The following FNIP2 variants were observed in gnomAD, a reference collection of about 807,000 sequenced individuals.
The protein encoded by FNIP2 is folliculin interacting protein 2, also known as folliculin-interacting protein 2.
A neutral mutation model predicts 108.7 loss-of-function variants in FNIP2; 32 were observed. The ratio of observed to expected loss-of-function variants is 0.29; its 90% confidence interval spans 0.22 to 0.40. FNIP2 has a LOEUF of 0.40. Among genes scored for constraint, FNIP2 ranks in the 10% least tolerant of loss-of-function variants. The pLI is 1.00. For synonymous variants in FNIP2, 480 were observed against 496.7 expected, an observed-to-expected ratio of 0.97 and a Z score of 0.45; for missense variants, 1,202 against 1,381.6, an observed-to-expected ratio of 0.87 and a Z score of 2.06.
intron 6 of FNIP2, 146 bp downstream of exon 6, chr4:158,833,774 C>T (rs966709250): frequency 1.3e-5 from 20 of 1,504,480 alleles, no homozygotes; most frequent in Middle Eastern, 3.4e-4. Flanking sequence ...ACTTTGTTTG[C>T]CCTCTTCTAT....
intron 14 of FNIP2, among the ~76,000 whole-genome samples, chr4:158,881,923 T>C (rs1290641785): frequency 2.0e-5 from 3 of 150,128 alleles, no homozygotes; most frequent in Non-Finnish European, 3.0e-5. Flanking sequence ...TCGTCTGGGA[T>C]GTGAGGAGCC....
intron 8 of FNIP2, 137 bp downstream of exon 8, chr4:158,851,587 G>A: frequency 9.0e-7 from 1 of 1,114,234 alleles, no homozygotes; most frequent in African/African-American, 1.6e-5. Context: ...GAGCCTGAAA[G>A]TTTACAAATT....
intron 16 of FNIP2, among the ~76,000 whole-genome samples, chr4:158,899,719 C>T (rs1386825350): frequency 1.3e-5 from 2 of 152,050 alleles, no homozygotes; most frequent in Non-Finnish European, 2.9e-5. Flanking sequence ...TTTTTTGTTG[C>T]ATCTATTTGA....
chr4:158,769,394 A>G (rs1775616513), intron 1 of FNIP2, 75 bp downstream of exon 1: 1 of 1,040,290 alleles, frequency 9.6e-7, no homozygotes, highest in African/African-American at 1.7e-5. Context: ...GGGGACGGGT[A>G]GGGGAAAGGG....
intron 1 of FNIP2, among the ~76,000 whole-genome samples, chr4:158,786,698 G>A (rs2126440336): frequency 6.6e-6 from 1 of 152,294 alleles, no homozygotes; most frequent in Non-Finnish European, 1.5e-5. Flanking sequence ...GGGAAAAGGT[G>A]CCTGCAGTCA....
chr4:158,852,491 C>G (rs1270163694), intron 8 of FNIP2, among the ~76,000 whole-genome samples: 1 of 152,212 alleles, frequency 6.6e-6, no homozygotes, highest in African/African-American at 2.4e-5. Context: ...CAAGTCCTAG[C>G]TCTGTCACTC....
chr4:158,778,184 G>C (rs1775920559), intron 1 of FNIP2, among the ~76,000 whole-genome samples: 1 of 152,176 alleles, frequency 6.6e-6, no homozygotes, highest in African/African-American at 2.4e-5. Flanking sequence ...ATCTGGGCTG[G>C]GGCTTTATGT....
chr4:158,863,521 T>A (rs1780408993), intron 12 of FNIP2, among the ~76,000 whole-genome samples: 1 of 152,174 alleles, frequency 6.6e-6, no homozygotes. Context: ...GGATGCCACT[T>A]TCACGGGTTT....
At chr4:158,900,990 G>A (rs766373889) in intron 16 of FNIP2, among the ~76,000 whole-genome samples, 3 of 151,924 alleles carry the variant, frequency 2.0e-5, no homozygotes, top group Non-Finnish European at 2.9e-5. Context: ...TCCTTTCCAT[G>A]TAGTGCTTCC....
At chr4:158,827,806 C>T (rs1778240203) in intron 2 of FNIP2, among the ~76,000 whole-genome samples, 1 of 152,146 alleles carries the variant, frequency 6.6e-6, no homozygotes, top group South Asian at 2.1e-4. Flanking sequence ...TCCTTACGTT[C>T]TTTTCCCATT....
At chr4:158,901,655 A>G (rs2126803504) in intron 16 of FNIP2, among the ~76,000 whole-genome samples, 1 of 151,948 alleles carries the variant, frequency 6.6e-6, no homozygotes, top group South Asian at 2.1e-4. Flanking sequence ...CTTTTCACAT[A>G]GTCTCATATT....
At chr4:158,847,271 G>A (rs1430546071) in intron 7 of FNIP2, among the ~76,000 whole-genome samples, 1 of 152,190 alleles carries the variant, frequency 6.6e-6, no homozygotes, top group Non-Finnish European at 1.5e-5. Flanking sequence ...ACCAGCCGGG[G>A]CAACTAAGGG....
intron 12 of FNIP2, among the ~76,000 whole-genome samples, chr4:158,863,392 A>T (rs1370568305): frequency 6.6e-6 from 1 of 152,260 alleles, no homozygotes; most frequent in Non-Finnish European, 1.5e-5. Flanking sequence ...GTTCCTAAGT[A>T]TAGAGAAGAC....
chr4:158,777,326 T>C, intron 1 of FNIP2, among the ~76,000 whole-genome samples: 1 of 152,210 alleles, frequency 6.6e-6, no homozygotes, highest in East Asian at 1.9e-4. Flanking sequence ...GTGAAAACAA[T>C]ATTGATATTC....
intron 8 of FNIP2, among the ~76,000 whole-genome samples, chr4:158,857,601 A>G (rs1369882668): frequency 6.6e-6 from 1 of 152,152 alleles, no homozygotes. Flanking sequence ...GTTAAGGGAA[A>G]TAGTAACACA....
intron 1 of FNIP2, among the ~76,000 whole-genome samples, chr4:158,803,884 G>A (rs1394548921): frequency 6.6e-6 from 1 of 152,170 alleles, no homozygotes; most frequent in African/African-American, 2.4e-5. Context: ...GTATGCATCT[G>A]ACTATCAAAG....
intron 14 of FNIP2, among the ~76,000 whole-genome samples, chr4:158,877,531 G>A (rs76167221): frequency 0.011 from 1,645 of 152,254 alleles, 13 homozygotes; most frequent in South Asian, 0.014. Flanking sequence ...TGCTTTTAGA[G>A]TTATGATAAG....
At chr4:158,820,280 T>G (rs35563827) in intron 1 of FNIP2, among the ~76,000 whole-genome samples, 44,244 of 152,078 alleles carry the variant, frequency 0.29, 7,170 homozygotes, top group Non-Finnish European at 0.38. Context: ...GATCATGCTT[T>G]TTCCACATGG....
At chr4:158,901,962 T>C (rs1436144568) in intron 16 of FNIP2, among the ~76,000 whole-genome samples, 6 of 152,058 alleles carry the variant, frequency 3.9e-5, no homozygotes, top group African/African-American at 1.4e-4. Context: ...AGTTTGTTAT[T>C]ACCCACCTTC....
Sources: gnomAD v4.1 joint callset for allele counts (sites outside exome capture counted in the v4.1 genomes callset) on GRCh38, gnomAD v4.1.1 for gene constraint, MANE v1.5 for transcripts, NCBI Gene and HGNC (gene_info 2026-07-23, HGNC 2026-07-21) for gene names.